NCALD: variants seen among roughly 807,000 people sequenced by gnomAD.
NCALD encodes the protein neurocalcin delta.
NCALD carries 10 observed loss-of-function variants against 18.6 expected under a neutral mutation model. The ratio of observed to expected loss-of-function variants is 0.54; its 90% confidence interval spans 0.33 to 0.91. The LOEUF is 0.91. Ranked by LOEUF, NCALD falls within the 40% of genes least tolerant of loss-of-function variation. The pLI, the probability that NCALD is intolerant of heterozygous loss-of-function variation, is 0.03. For missense variants in NCALD, 184 were observed against 247.6 expected (o/e 0.74, Z 1.72); for synonymous variants, 88 against 87.4 (o/e 1.01, Z -0.04).
intron 4 of NCALD, among the ~76,000 whole-genome samples, chr8:101,812,170 CT>C (rs1813329503): frequency 6.6e-6 from 1 of 152,154 alleles, no homozygotes; most frequent in African/African-American, 2.4e-5. Context: ...AATGCAAGTT[CT>C]CTCTTAAGAG....
At chr8:101,888,849 C>G (rs1304394966) in intron 3 of NCALD, among the ~76,000 whole-genome samples, 1 of 152,082 alleles carries the variant, frequency 6.6e-6, no homozygotes, top group Non-Finnish European at 1.5e-5. Flanking sequence ...TGAAAACAAC[C>G]CTGTCAGCAG....
At chr8:101,737,321 C>T (rs1213641202) in intron 1 of NCALD, among the ~76,000 whole-genome samples, 1 of 152,198 alleles carries the variant, frequency 6.6e-6, no homozygotes, top group African/African-American at 2.4e-5. Context: ...TTTCCTGTCA[C>T]TGCTACCATT....
intron 1 of NCALD, among the ~76,000 whole-genome samples, chr8:102,113,198 T>C (rs1825690270): frequency 6.6e-6 from 1 of 152,138 alleles, no homozygotes; most frequent in Non-Finnish European, 1.5e-5. Flanking sequence ...GCACATATTC[T>C]CTTGGAAATG....
intron 4 of NCALD, among the ~76,000 whole-genome samples, chr8:101,875,785 G>T (rs1363659406): frequency 6.6e-6 from 1 of 152,218 alleles, no homozygotes; most frequent in Non-Finnish European, 1.5e-5. Context: ...GAAGGACAAA[G>T]AATTAAACAA....
chr8:102,069,210 G>A (rs1311080605), intron 1 of NCALD, among the ~76,000 whole-genome samples: 1 of 151,114 alleles, frequency 6.6e-6, no homozygotes, highest in Non-Finnish European at 1.5e-5. Flanking sequence ...AAAAAAAAAT[G>A]ATAAATATGT....
At chr8:101,756,795 T>C (rs1810899971) in intron 1 of NCALD, among the ~76,000 whole-genome samples, 1 of 152,210 alleles carries the variant, frequency 6.6e-6, no homozygotes, top group Non-Finnish European at 1.5e-5. Flanking sequence ...TTGATATACA[T>C]TGTATGTCTT....
intron 3 of NCALD, among the ~76,000 whole-genome samples, chr8:101,908,082 AG>A (rs912881286): frequency 6.6e-6 from 1 of 152,230 alleles, no homozygotes; most frequent in African/African-American, 2.4e-5. Flanking sequence ...AGGATAAGCA[AG>A]GTGTAAACAA....
At chr8:102,069,837 T>C (rs989754925) in intron 1 of NCALD, among the ~76,000 whole-genome samples, 2 of 152,202 alleles carry the variant, frequency 1.3e-5, no homozygotes, top group African/African-American at 4.8e-5. Flanking sequence ...TAATTAGGCC[T>C]GGTGCGGTGG....
chr8:101,700,409 T>C (rs1291966991), intron 2 of NCALD, among the ~76,000 whole-genome samples: 1 of 152,150 alleles, frequency 6.6e-6, no homozygotes, highest in African/African-American at 2.4e-5. Flanking sequence ...GGAGGTCTCA[T>C]ATGTGGCACA....
At position 101,738,024 on chromosome 8, in the gene NCALD, T is replaced by A. The variant is rs569606726; in HGVS notation, c.-19-18376A>T. ...CTGGCAATCATTCAGTTGGTAATAA[T>A]GAAAGATCGTACCTTTCCAAAGCTA... On this transcript the variant is annotated intron_variant, in intron 1 of 3. Transcript: ENST00000220931. Among the ~76,000 whole-genome samples, 4 of 152,344 alleles carry A rather than the reference T, an allele frequency of 2.6e-5. No homozygotes were observed. The South Asian group carries it at 8.3e-4, about 32-fold the overall frequency.
At chr8:101,857,143 A>C (rs11988615) in intron 4 of NCALD, among the ~76,000 whole-genome samples, 2,377 of 152,326 alleles carry the variant, frequency 0.016, 70 homozygotes, top group African/African-American at 0.051. Context: ...TGTATAATAG[A>C]AACATAGTGA....
chr8:101,893,180 C>A (rs572980473), intron 3 of NCALD, among the ~76,000 whole-genome samples: 53 of 152,024 alleles, frequency 3.5e-4, no homozygotes, highest in African/African-American at 1.2e-3. Context: ...AGAAACCCTA[C>A]AAGCCAGAAG....
intron 2 of NCALD, among the ~76,000 whole-genome samples, chr8:101,947,365 T>A (rs1586805955): frequency 6.6e-6 from 1 of 152,206 alleles, no homozygotes; most frequent in Admixed American, 6.5e-5. Flanking sequence ...GAGTCCTCCA[T>A]CATGACAATG....
intron 1 of NCALD, among the ~76,000 whole-genome samples, chr8:101,748,737 C>T (rs892138890): frequency 4.6e-5 from 7 of 152,190 alleles, no homozygotes; most frequent in African/African-American, 1.7e-4. Flanking sequence ...CAAGATGACA[C>T]AGCAAACAAG....
chr8:101,762,017 C>G (rs1811131999), intron 1 of NCALD, among the ~76,000 whole-genome samples: 1 of 152,256 alleles, frequency 6.6e-6, no homozygotes. Context: ...ACCTTGGGAG[C>G]ATAAGGGCAA....
chr8:101,720,487 G>A (rs1267427087), intron 1 of NCALD, among the ~76,000 whole-genome samples: 1 of 152,182 alleles, frequency 6.6e-6, no homozygotes, highest in East Asian at 1.9e-4. Flanking sequence ...TTGCTAGCAT[G>A]TTGATATGTG....
chr8:101,977,617 A>T (rs1166174864), intron 2 of NCALD, among the ~76,000 whole-genome samples: 2 of 152,198 alleles, frequency 1.3e-5, no homozygotes. Flanking sequence ...ATTAAAGGCC[A>T]CACAGTTGTG....
At chr8:101,978,897 G>C (rs1820520301) in intron 2 of NCALD, among the ~76,000 whole-genome samples, 1 of 152,228 alleles carries the variant, frequency 6.6e-6, no homozygotes. Flanking sequence ...GTAAAAAGCA[G>C]ATAGCAATAC....
Position 101,690,434 on chromosome 8 carries a change from G to A in NCALD, c.485-1028C>T, listed in dbSNP as rs575956893. On this transcript the variant is annotated intron_variant, in intron 3 of 3. Transcript: ENST00000220931. ...ATCTGCTCCTCCAAGGGCAGCACCCGGCCTGCCTGGCTCTGCACGCCTGTG... is the reference window on the plus strand; with the variant it reads ...ATCTGCTCCTCCAAGGGCAGCACCCAGCCTGCCTGGCTCTGCACGCCTGTG... 23 of 985,450 alleles carry A rather than the reference G, an allele frequency of 2.3e-5. 1 individual carries two copies. Among genetic ancestry groups the A allele is most frequent in the South Asian group, 9.4e-5 (2 of 21,286 alleles). The allele number at this position is 985,450 out of a possible 1,614,324, so 61.0% of individuals were successfully genotyped here.
Sources: allele counts gnomAD v4.1 joint callset (sites outside exome capture counted in the v4.1 genomes callset), GRCh38; gene constraint gnomAD v4.1.1; transcripts MANE v1.5; gene names NCBI Gene and HGNC (gene_info 2026-07-23, HGNC 2026-07-21).